NAGLU: variants seen among roughly 807,000 people sequenced by gnomAD.
The protein encoded by NAGLU is N-acetyl-alpha-glucosaminidase, also known as alpha-N-acetylglucosaminidase.
A neutral mutation model predicts 43.4 loss-of-function variants in NAGLU; 34 were observed. That is an observed-to-expected ratio of 0.78 (90% CI 0.60 to 1.04). The LOEUF (loss-of-function observed/expected upper bound fraction) is 1.04. NAGLU is among the 50% of genes least tolerant of loss of function. NAGLU has a pLI of 0.00. For missense variants in NAGLU, 910 were observed against 993.7 expected (o/e 0.92, Z 1.13); for synonymous variants, 425 against 437.6 (o/e 0.97, Z 0.36).
rs1469098315 is a variant in NAGLU, at chr17:42,544,351, T to C, written c.*113T>C. 23 of 1,504,020 alleles carry C rather than the reference T, an allele frequency of 1.5e-5. No homozygotes were observed. The highest frequency in any genetic ancestry group is 2.1e-5 in the Non-Finnish European group (23 of 1,104,814). The allele number at this position is 1,504,020 out of a possible 1,614,324, so 93.2% of individuals were successfully genotyped here. ...AGGCCTGGGAGGAGGCCCCACGGCC[T>C]GCTGGTGGGGTCTGACCTGGGGGGA... On this transcript the variant is annotated 3_prime_UTR_variant, in exon 6 of 6. Transcript: ENST00000225927.
rs751779361 is a variant in NAGLU at position 42,543,577 on chromosome 17, A to G, written c.1571A>G (p.Gln524Arg). The G allele has an allele frequency of 1.2e-5, 19 of 1,612,764 alleles. No homozygotes were observed. The highest frequency in any genetic ancestry group is 7.6e-6 in the Non-Finnish European group (9 of 1,179,966). The change falls in exon 6 of 6, where the codon CAG becomes CGG. Residue 524 changes from glutamine (Q) to arginine (R), a missense_variant. Physicochemically the swap from Gln to Arg is conservative, Grantham distance 43. Transcript: ENST00000225927. ...CCGCTGGTCAGGCGGCCGTCCCTAC[A>G]GATGAATACCAGCATCTGGTACAAC... ...RSPLVRRPSL[Q>R]MNTSIWYNRS...
At chr17:42,540,712 A>AG (rs2092919298) in intron 4 of NAGLU, among the ~76,000 whole-genome samples, 1 of 149,918 alleles carries the variant, frequency 6.7e-6, no homozygotes, top group Admixed American at 6.7e-5. Context: ...AAAAAAAAAA[A>AG]GAAAGAAAAA....
rs760370189 is a variant in NAGLU at position 42,538,449 on chromosome 17, G to GC, written c.648dup (p.Ser217LeufsTer56). On this transcript the variant is annotated frameshift_variant, in exon 3 of 6. Coordinates refer to ENST00000225927, the MANE Select transcript of NAGLU (RefSeq NM_000263.4). LOFTEE classifies it high-confidence loss of function. ...ACCTGCACACCTGGGATGGCCCCCTGCCCCCCTCCTGGCACATCAAGCAGC... is the reference window on the plus strand; with the variant it reads ...ACCTGCACACCTGGGATGGCCCCCTGCCCCCCCTCCTGGCACATCAAGCAGC... 5.0e-6 allele frequency: 8 copies of GC among 1,613,982 alleles called. No homozygotes were observed. The African/African-American group carries it at 8.0e-5, about 16-fold the overall frequency.
rs771329501 is a variant in NAGLU at position 42,543,365 on chromosome 17, G to A, written c.1359G>A (p.Val453=). 1 of 1,612,280 alleles carries A rather than the reference G, an allele frequency of 6.2e-7. No homozygotes were observed. The highest frequency in any genetic ancestry group is 1.3e-5 in the African/African-American group (1 of 75,064). Residue 453 remains valine (V), a synonymous_variant, in exon 6 of 6, where the codon GTG becomes GTA. Transcript: ENST00000225927. The part of the protein sequence containing the change: ...MAPEGISQNE[V]VYSLMAELGW... ...CCGAGGGCATCAGCCAGAACGAAGTGGTCTATTCCCTCATGGCTGAGCTGG... is the reference window on the plus strand; with the variant it reads ...CCGAGGGCATCAGCCAGAACGAAGTAGTCTATTCCCTCATGGCTGAGCTGG...
chr17:42,541,294 G>A, intron 5 of NAGLU, 88 bp downstream of exon 5: 1 of 1,552,464 alleles, frequency 6.4e-7, no homozygotes, highest in Non-Finnish European at 8.8e-7. Context: ...CAGAGGGACT[G>A]GAATAATGCC....
chr17:42,541,264 C>A, intron 5 of NAGLU, 58 bp downstream of exon 5: 1 of 1,601,768 alleles, frequency 6.2e-7, no homozygotes, highest in Non-Finnish European at 8.5e-7. Context: ...AAGGGAGTAG[C>A]AGATGTCAGT....
chr17:42,543,938 C>T lies in NAGLU; in HGVS notation c.1932C>T (p.Tyr644=). 6.2e-7 allele frequency: 1 copy of T among 1,608,788 alleles called. No individual in the cohort carries two copies. Among genetic ancestry groups the T allele is most frequent in the Non-Finnish European group, 8.5e-7 (1 of 1,177,650 alleles). The change falls in exon 6 of 6, where the codon TAC becomes TAT. Residue 644 remains tyrosine (Y), a synonymous_variant. Coordinates refer to ENST00000225927, the MANE Select transcript of NAGLU (RefSeq NM_000263.4). ...EADFYEQNSR[Y]QLTLWGPEGN... ...ATTTCTACGAGCAGAACAGCCGCTA[C>T]CAGCTGACCTTGTGGGGGCCAGAAG...
At chr17:42,541,619 G>A (rs1252757360) in intron 5 of NAGLU, among the ~76,000 whole-genome samples, 1 of 152,270 alleles carries the variant, frequency 6.6e-6, no homozygotes, top group Non-Finnish European at 1.5e-5. Context: ...GCAGGCAGGA[G>A]GTGAGTGGAT....
chr17:42,541,233 G>A (rs2092921176), intron 5 of NAGLU, 27 bp downstream of exon 5: 2 of 1,609,676 alleles, frequency 1.2e-6, no homozygotes, highest in East Asian at 4.5e-5. Context: ...GGGTGGGAGA[G>A]CCCCCCAGAC....
chr17:42,542,988 A>G lies in NAGLU; in HGVS notation c.1022-40A>G, dbSNP rs757554518. 3 of 1,597,642 alleles carry G rather than the reference A, an allele frequency of 1.9e-6. No individual in the cohort carries two copies. In the Admixed American group the frequency reaches 5.0e-5, roughly 27 times the overall value. On this transcript the variant is annotated intron_variant, in intron 5 of 5. Coordinates refer to ENST00000225927, the MANE Select transcript of NAGLU (RefSeq NM_000263.4). ...GAACATTCCCTGGGCCCTCTGTTTCATCACTCCTCTTCTCTGTTCCCCCTA... is the reference window on the plus strand; with the variant it reads ...GAACATTCCCTGGGCCCTCTGTTTCGTCACTCCTCTTCTCTGTTCCCCCTA...
Position 42,536,487 on chromosome 17 carries a change from C to T in NAGLU, c.215C>T (p.Ala72Val). ...ACCTACAGCCTGGGCGGCGGCGGCGCGGCGCGCGTGCGGGTGCGCGGCTCC... is the reference window on the plus strand; with the variant it reads ...ACCTACAGCCTGGGCGGCGGCGGCGTGGCGCGCGTGCGGGTGCGCGGCTCC... ...LDTYSLGGGGAARVRVRGSTG... is the reference protein window; with the variant it reads ...LDTYSLGGGGVARVRVRGSTG... Residue 72 changes from alanine (A) to valine (V), a missense_variant, in exon 1 of 6, where the codon GCG becomes GTG. Ala to Val is a moderately conservative substitution (Grantham distance 64). Coordinates refer to ENST00000225927, the MANE Select transcript of NAGLU (RefSeq NM_000263.4). 8.2e-7 allele frequency: 1 copy of T among 1,219,940 alleles called. No homozygotes were observed. The highest frequency in any genetic ancestry group is 1.0e-6 in the Non-Finnish European group (1 of 982,592). The allele number at this position is 1,219,940 out of a possible 1,614,324, so 75.6% of individuals were successfully genotyped here.
chr17:42,537,875 A>C (rs1287952740), intron 2 of NAGLU, among the ~76,000 whole-genome samples: 3 of 151,966 alleles, frequency 2.0e-5, no homozygotes, highest in South Asian at 4.2e-4. Context: ...AAAAAAAAAA[A>C]AAAAACTGAG....
Position 42,536,653 on chromosome 17 carries a change from C to A in NAGLU, c.381C>A (p.Asn127Lys). 1 of 1,499,988 alleles carries A rather than the reference C, an allele frequency of 6.7e-7. No individual in the cohort carries two copies. The highest frequency in any genetic ancestry group is 8.8e-7 in the Non-Finnish European group (1 of 1,131,446). The allele number at this position is 1,499,988 out of a possible 1,614,324, so 92.9% of individuals were successfully genotyped here. ...VPGELTEATP[N>K]RYRYYQNVCT... ...GGGAGCTGACCGAGGCCACGCCCAA[C>A]AGGTACCGCCCCGAAGCTTCCCCGC... Residue 127 changes from asparagine to lysine, a missense_variant and splice_region_variant, in exon 1 of 6, where the codon AAC (asparagine) becomes AAA (lysine). Physicochemically the swap from Asn to Lys is moderately conservative, Grantham distance 94 (BLOSUM62 0). Coordinates refer to ENST00000225927, the MANE Select transcript of NAGLU (RefSeq NM_000263.4).
At chr17:42,537,649 C>T in intron 2 of NAGLU, 104 bp downstream of exon 2, 4 of 1,476,648 alleles carry the variant, frequency 2.7e-6, no homozygotes, top group Non-Finnish European at 3.7e-6. Context: ...TCTAGAAGTG[C>T]TTTCAGCGTG....
Position 42,541,039 on chromosome 17 carries a change from A to T in NAGLU, c.854A>T (p.Asp285Val), listed in dbSNP as rs1438953428. 2 of 1,614,064 alleles carry T rather than the reference A, an allele frequency of 1.2e-6. No homozygotes were observed. Among genetic ancestry groups the T allele is most frequent in the Non-Finnish European group, 1.7e-6 (2 of 1,180,004 alleles). ...TGCTCCTTCCTTCTGGCTCCGGAAG[A>T]CCCCATATTCCCCATCATCGGGAGC... is the stretch of plus-strand genomic sequence containing the variant. ...YSCSFLLAPE[D>V]PIFPIIGSLF... The change falls in exon 5 of 6, where the codon GAC (aspartate) becomes GTC (valine). Residue 285 changes from aspartate (D) to valine (V), a missense_variant. By Grantham distance (152) the Asp-to-Val change is radical. Transcript: ENST00000225927.
chr17:42,543,543 A>G lies in NAGLU; in HGVS notation c.1537A>G (p.Asn513Asp). The change falls in exon 6 of 6, where the codon AAT becomes GAT. Residue 513 changes from asparagine to aspartate, a missense_variant. Coordinates refer to ENST00000225927, the MANE Select transcript of NAGLU (RefSeq NM_000263.4). ...CTCCGGGGAGGCCTGCAGGGGCCAC[A>G]ATCGTAGCCCGCTGGTCAGGCGGCC... ...NCSGEACRGH[N>D]RSPLVRRPSL... is the part of the protein sequence containing the mutation. 1 of 1,610,106 alleles carries G rather than the reference A, an allele frequency of 6.2e-7. No homozygotes were observed. Among genetic ancestry groups the G allele is most frequent in the Non-Finnish European group, 8.5e-7 (1 of 1,179,180 alleles).
chr17:42,543,788 T>A lies in NAGLU; in HGVS notation c.1782T>A (p.Ala594=), dbSNP rs369093233. Residue 594 remains alanine (A), a synonymous_variant, in exon 6 of 6, where the codon GCT becomes GCA. Coordinates refer to ENST00000225927, the MANE Select transcript of NAGLU (RefSeq NM_000263.4). ...AGGAGCTGGCCTCCCTGTTGAGGGCTGGAGGCGTCCTGGCCTATGAGCTGC... is the reference window on the plus strand; with the variant it reads ...AGGAGCTGGCCTCCCTGTTGAGGGCAGGAGGCGTCCTGGCCTATGAGCTGC... ...LSKELASLLR[A]GGVLAYELLP... 1.2e-6 allele frequency: 2 copies of A among 1,609,584 alleles called. No individual in the cohort carries two copies. Among genetic ancestry groups the A allele is most frequent in the Non-Finnish European group, 1.7e-6 (2 of 1,178,890 alleles).
Position 42,544,360 on chromosome 17 carries a change from G to C in NAGLU, c.*122G>C. On this transcript the variant is annotated 3_prime_UTR_variant, in exon 6 of 6. Coordinates refer to ENST00000225927, the MANE Select transcript of NAGLU (RefSeq NM_000263.4). ...AGGAGGCCCCACGGCCTGCTGGTGG[G>C]GTCTGACCTGGGGGGATTGGAGGGA... 4 of 1,458,580 alleles carry C rather than the reference G, an allele frequency of 2.7e-6. No individual in the cohort carries two copies. In the South Asian group the frequency reaches 3.5e-5, roughly 13 times the overall value. 90.4% of individuals were successfully genotyped at this position (1,458,580 alleles called of 1,614,324 possible).
At chr17:42,536,697 C>G in intron 1 of NAGLU, 42 bp downstream of exon 1, 1 of 1,398,476 alleles carries the variant, frequency 7.2e-7, no homozygotes, top group African/African-American at 1.5e-5. Flanking sequence ...GAGGCGCTTA[C>G]CCCCTCCCGG....
Sources: gnomAD v4.1 joint callset for allele counts (sites outside exome capture counted in the v4.1 genomes callset) on GRCh38, gnomAD v4.1.1 for gene constraint, MANE v1.5 for transcripts, NCBI Gene and HGNC (gene_info 2026-07-23, HGNC 2026-07-21) for gene names.